Variants in PDZRN4 observed in about 807,000 individuals in gnomAD.
PDZRN4 encodes the protein PDZ domain-containing RING finger protein 4.
A neutral mutation model predicts 99.0 loss-of-function variants in PDZRN4; 70 were observed. The observed-to-expected ratio is 0.71, with a 90% CI of 0.58 to 0.86. The LOEUF is 0.86. Among genes scored for constraint, PDZRN4 ranks in the 40% least tolerant of loss-of-function variants. The pLI is 0.00. For missense variants in PDZRN4, 1,474 were observed against 1,331.2 expected (o/e 1.11, Z -1.67); for synonymous variants, 551 against 501.6 (o/e 1.10, Z -1.32).
intron 3 of PDZRN4, among the ~76,000 whole-genome samples, chr12:41,273,211 G>C (rs1001301026): frequency 1.3e-5 from 2 of 151,980 alleles, no homozygotes; most frequent in Non-Finnish European, 2.9e-5. Flanking sequence ...TATCAAAGAG[G>C]CTCAGTTTCT....
chr12:41,326,160 T>TTTTTTA (rs1951708460), intron 3 of PDZRN4, among the ~76,000 whole-genome samples: 1 of 152,008 alleles, frequency 6.6e-6, no homozygotes, highest in East Asian at 1.9e-4. Flanking sequence ...ATTTTTTTTT[T>TTTTTTA]AGAGATGGGG....
chr12:41,188,834 G>T lies in PDZRN4; in HGVS notation c.379G>T (p.Val127Leu). 2 of 1,280,098 alleles carry T rather than the reference G, an allele frequency of 1.6e-6. No individual in the cohort carries two copies. Among genetic ancestry groups the T allele is most frequent in the South Asian group, 5.0e-5 (2 of 40,120 alleles). 79.3% of individuals were successfully genotyped at this position (1,280,098 alleles called of 1,614,324 possible). A position where few individuals can be genotyped will look rare whatever the true frequency, so the allele number is the denominator to read the frequency against. Reference sequence around the variant, plus strand: ...CGCTTCGGGGCTGGGCGGTGGTGAGGTGCCCGCGCGGGGGGGCTGCGGTCC... The same window carrying T: ...CGCTTCGGGGCTGGGCGGTGGTGAGTTGCCCGCGCGGGGGGGCTGCGGTCC... The part of the protein sequence containing the change: ...GCASGLGGGE[V>L]PARGGCGPTP... The change falls in exon 1 of 10, where the codon GTG (valine) becomes TTG (leucine). Residue 127 changes from valine to leucine, a missense_variant. Physicochemically the swap from Val to Leu is conservative, Grantham distance 32. Coordinates refer to ENST00000402685, the MANE Select transcript of PDZRN4 (RefSeq NM_001164595.2).
chr12:41,214,564 G>T, intron 3 of PDZRN4, among the ~76,000 whole-genome samples: 1 of 151,652 alleles, frequency 6.6e-6, no homozygotes, highest in Admixed American at 6.6e-5. Flanking sequence ...ATGAAAGAAA[G>T]GGTTATATGT....
intron 3 of PDZRN4, among the ~76,000 whole-genome samples, chr12:41,487,295 G>A (rs1040704790): frequency 5.9e-5 from 9 of 151,912 alleles, no homozygotes; most frequent in African/African-American, 1.7e-4. Flanking sequence ...GGGAAAAAAG[G>A]AGGAAGAAAC....
chr12:41,473,657 C>G (rs1487266423), intron 3 of PDZRN4: 4 of 152,286 alleles, frequency 2.6e-5, no homozygotes, highest in African/African-American at 7.2e-5. Context: ...ATGTATTTAT[C>G]TCTCCAGCTG....
chr12:41,466,604 A>T (rs906455466), intron 3 of PDZRN4, among the ~76,000 whole-genome samples: 1 of 152,126 alleles, frequency 6.6e-6, no homozygotes, highest in South Asian at 2.1e-4. Flanking sequence ...GTTTTATGAC[A>T]TCTTTAAATA....
At chr12:41,358,000 T>C (rs1206050292) in intron 3 of PDZRN4, among the ~76,000 whole-genome samples, 1 of 152,018 alleles carries the variant, frequency 6.6e-6, no homozygotes, top group African/African-American at 2.4e-5. Flanking sequence ...CATTGGCTGA[T>C]ATTGTTACTC....
chr12:41,209,419 A>G (rs929385204), intron 3 of PDZRN4, among the ~76,000 whole-genome samples: 2 of 151,900 alleles, frequency 1.3e-5, no homozygotes, highest in Non-Finnish European at 2.9e-5. Flanking sequence ...ATATGTATAC[A>G]TGTGGCGTGT....
At chr12:41,507,339 T>C (rs1006565082) in intron 4 of PDZRN4, among the ~76,000 whole-genome samples, 1 of 152,188 alleles carries the variant, frequency 6.6e-6, no homozygotes, top group Non-Finnish European at 1.5e-5. Context: ...CAGAGAGATT[T>C]TATTCAAATA....
rs79952568 is a variant in PDZRN4, at chr12:41,567,546, T to C, written c.1468-237T>C. Among the ~76,000 whole-genome samples the C allele has an allele frequency of 7.9e-3, 1,207 of 152,164 alleles. 44 individuals carry two copies. In the East Asian group the frequency reaches 0.14, roughly 17 times the overall value. On this transcript the variant is annotated intron_variant, in intron 8 of 9. Coordinates refer to ENST00000402685, the MANE Select transcript of PDZRN4 (RefSeq NM_001164595.2). ...AATATTCTGTGCTGTGAGATTTACT[T>C]GGTTATGAGAGAAAATCTGTAGTCC...
intron 5 of PDZRN4, among the ~76,000 whole-genome samples, chr12:41,524,721 G>T (rs964611175): frequency 6.6e-6 from 1 of 152,062 alleles, no homozygotes; most frequent in Non-Finnish European, 1.5e-5. Context: ...GAAACAGCAT[G>T]ATTTCTATTT....
intron 4 of PDZRN4, 31 bp downstream of exon 4, chr12:41,506,743 G>A (rs866360436): frequency 6.3e-7 from 1 of 1,575,578 alleles, no homozygotes; most frequent in Admixed American, 1.8e-5. Context: ...CCAAAGCCCT[G>A]TTTGTTTCCA....
intron 3 of PDZRN4, among the ~76,000 whole-genome samples, chr12:41,403,949 T>A (rs998559152): frequency 6.6e-6 from 1 of 152,146 alleles, no homozygotes; most frequent in African/African-American, 2.4e-5. Context: ...TCCCTTGGTA[T>A]CTATTGGGGT....
At chr12:41,365,851 G>A (rs757562242) in intron 3 of PDZRN4, among the ~76,000 whole-genome samples, 15 of 152,218 alleles carry the variant, frequency 9.9e-5, no homozygotes, top group Non-Finnish European at 1.9e-4. Flanking sequence ...TATAATTGAT[G>A]AATGACCAGC....
chr12:41,396,397 ATTGTTGTTG>A (rs141772109), intron 3 of PDZRN4, among the ~76,000 whole-genome samples: 89 of 151,848 alleles, frequency 5.9e-4, no homozygotes, highest in African/African-American at 1.9e-3. Flanking sequence ...AGCGTTTGCT[ATTGTTGTTG>A]TTGTTGTTGT....
At chr12:41,195,365 G>C (rs1950764037) in intron 3 of PDZRN4, among the ~76,000 whole-genome samples, 1 of 151,960 alleles carries the variant, frequency 6.6e-6, no homozygotes, top group African/African-American at 2.4e-5. Flanking sequence ...CTATCTCTCT[G>C]AATACTTATA....
chr12:41,242,575 C>A (rs1221949354), intron 3 of PDZRN4, among the ~76,000 whole-genome samples: 2 of 152,080 alleles, frequency 1.3e-5, no homozygotes, highest in Non-Finnish European at 2.9e-5. Flanking sequence ...AATTGTAACA[C>A]AAAATTATTA....
rs869152922 is a variant in PDZRN4, at chr12:41,543,061, CCT to C, written c.1204-9590_1204-9589del. On this transcript the variant is annotated intron_variant, in intron 5 of 9. Coordinates refer to ENST00000402685, the MANE Select transcript of PDZRN4 (RefSeq NM_001164595.2). ...CAATCCTAATCCACCTCTCTAGTGT[CCT>C]CTCTTAATACATCCCTAAACCCTCT... is the stretch of plus-strand genomic sequence containing the variant. Among the ~76,000 whole-genome samples, 5 of 152,248 alleles carry C rather than the reference CCT, an allele frequency of 3.3e-5. No individual in the cohort carries two copies. In the East Asian group the frequency reaches 9.7e-4, roughly 29 times the overall value.
intron 3 of PDZRN4, among the ~76,000 whole-genome samples, chr12:41,382,927 G>A (rs1406665559): frequency 1.3e-5 from 2 of 152,094 alleles, no homozygotes; most frequent in Admixed American, 6.5e-5. Context: ...TTTTCATTTT[G>A]CAGACAAAAA....
Sources: gnomAD v4.1 joint callset for allele counts (sites outside exome capture counted in the v4.1 genomes callset) on GRCh38, gnomAD v4.1.1 for gene constraint, MANE v1.5 for transcripts, NCBI Gene and HGNC (gene_info 2026-07-23, HGNC 2026-07-21) for gene names.